Variants in MSH4 observed in about 807,000 individuals in gnomAD.
The protein encoded by MSH4 is mutS protein homolog 4.
In MSH4, 106 loss-of-function variants were observed where a neutral mutation model predicts 113.7. The ratio of observed to expected loss-of-function variants is 0.93; its 90% CI spans 0.80 to 1.10. MSH4 has a LOEUF of 1.10. MSH4 is among the 50% of genes least tolerant of loss of function. The pLI is 0.00. For synonymous variants in MSH4, 368 were observed against 380.2 expected, an observed-to-expected ratio of 0.97 and a Z score of 0.37; for missense variants, 1,061 against 1,093.7, an observed-to-expected ratio of 0.97 and a Z score of 0.42.
In MSH4 at chr1:75,868,777, A is replaced by G. The variant is rs1651645864; in HGVS notation, c.1305+1189A>G. 2.0e-5 allele frequency among the ~76,000 whole-genome samples: 3 copies of G among 152,236 alleles called. No homozygotes were observed. In the South Asian group the frequency reaches 6.2e-4, roughly 31 times the overall value. On this transcript the variant is annotated intron_variant, in intron 9 of 19. Coordinates refer to ENST00000263187, the MANE Select transcript of MSH4 (RefSeq NM_002440.4). ...GCACATGTTCTTCTTGCCTACCGGCATGTAAGATGTAACTTTGCTCCTGAT... is the reference window on the plus strand; with the variant it reads ...GCACATGTTCTTCTTGCCTACCGGCGTGTAAGATGTAACTTTGCTCCTGAT...
intron 15 of MSH4, among the ~76,000 whole-genome samples, chr1:75,885,501 T>C (rs1431056695): frequency 2.2e-5 from 2 of 90,016 alleles, no homozygotes; most frequent in Non-Finnish European, 4.6e-5. Context: ...GGTACATATA[T>C]ATATACATAT....
chr1:75,797,871 G>T lies in MSH4; in HGVS notation c.244+642G>T, dbSNP rs866757612. 1.1e-4 allele frequency among the ~76,000 whole-genome samples: 16 copies of T among 152,290 alleles called. No homozygotes were observed. The Middle Eastern group carries it at 0.01, about 97-fold the overall frequency. On this transcript the variant is annotated intron_variant, in intron 1 of 19. Transcript: ENST00000263187. ...TGAGGTGGGAGGATGGCGAGTCCGG[G>T]AGGTCGAGGCTGCCGTGAGCTGAGA...
chr1:75,867,710 TC>T, intron 9 of MSH4, 122 bp downstream of exon 9: 1 of 644,884 alleles, frequency 1.6e-6, no homozygotes, highest in Non-Finnish European at 2.7e-6. Context: ...ATATTTTTTT[TC>T]TTTGTACATA....
chr1:75,882,331 T>A (rs1410563232), intron 14 of MSH4, among the ~76,000 whole-genome samples: 2 of 152,080 alleles, frequency 1.3e-5, no homozygotes, highest in African/African-American at 4.8e-5. Flanking sequence ...ATTTTTTTTC[T>A]AACCTCACTT....
At position 75,822,544 on chromosome 1, in the gene MSH4, A is replaced by T. The variant is rs72688139; in HGVS notation, c.1125A>T (p.Leu375=). 1 of 1,551,410 alleles carries T rather than the reference A, an allele frequency of 6.4e-7. No homozygotes were observed. Among genetic ancestry groups the T allele is most frequent in the Non-Finnish European group, 8.7e-7 (1 of 1,155,804 alleles). Residue 375 remains leucine, a synonymous_variant, in exon 7 of 20, where the codon CTA becomes CTT. Coordinates refer to ENST00000263187, the MANE Select transcript of MSH4 (RefSeq NM_002440.4). ...TGAGATTAGATTGTGTTCAAGAACT[A>T]CTTCAAGATGAGGAACTATTTTTTG... ...INMRLDCVQE[L]LQDEELFFGL...
At chr1:75,896,346 AACACACACACACACAC>A (rs4035039) in intron 17 of MSH4, among the ~76,000 whole-genome samples, 15,671 of 137,230 alleles carry the variant, frequency 0.11, 1,060 homozygotes, top group East Asian at 0.27. Flanking sequence ...ACACACATAC[AACACACACACACACAC>A]ACACACACAC....
rs979644673 is a variant in MSH4 at position 75,890,597 on chromosome 1, A to G, written c.2227-99A>G. 5 of 584,560 alleles carry G rather than the reference A, an allele frequency of 8.6e-6. No individual in the cohort carries two copies. In the African/African-American group the frequency reaches 9.5e-5, roughly 11 times the overall value. 36.2% of individuals were successfully genotyped at this position (584,560 alleles called of 1,614,324 possible). A position where few individuals can be genotyped will look rare whatever the true frequency, so the allele number is the denominator to read the frequency against. ...CAGGATGTCTCTAAGAATACATTTC[A>G]GATGAACTTATAAAGAGACTGGGTT... On this transcript the variant is annotated intron_variant, in intron 16 of 19. Transcript: ENST00000263187.
chr1:75,830,128 ACTT>A (rs1200476480), intron 7 of MSH4, among the ~76,000 whole-genome samples: 1 of 152,146 alleles, frequency 6.6e-6, no homozygotes, highest in East Asian at 1.9e-4. Context: ...TGGCACGAGA[ACTT>A]CTTGATGCGT....
intron 19 of MSH4, among the ~76,000 whole-genome samples, chr1:75,904,990 G>A (rs1186823148): frequency 6.6e-6 from 1 of 151,292 alleles, no homozygotes; most frequent in African/African-American, 2.4e-5. Flanking sequence ...CTTTTTAGTT[G>A]GTCTAGTAAA....
chr1:75,912,678 T>TA lies in MSH4; in HGVS notation c.2620-18_2620-17insA. On this transcript the variant is annotated splice_polypyrimidine_tract_variant and intron_variant, in intron 19 of 19. Transcript: ENST00000263187. The stretch of plus-strand genomic sequence containing the variant: ...TATTTGTGTATATATATATATATTT[T>TA]TTTTTTTTCAATGACAGCAAAACCA... 1 of 1,247,972 alleles carries TA rather than the reference T, an allele frequency of 8.0e-7. No homozygotes were observed. Among genetic ancestry groups the TA allele is most frequent in the Non-Finnish European group, 1.1e-6 (1 of 951,402 alleles). 77.3% of individuals were successfully genotyped at this position (1,247,972 alleles called of 1,614,324 possible).
chr1:75,879,054 C>T lies in MSH4; in HGVS notation c.1603C>T (p.Arg535Ter), dbSNP rs748663214. The change falls in exon 12 of 20, where the codon CGA (arginine) becomes TGA (stop). Residue 535 changes from arginine (R) to a stop codon, truncating the protein, a stop_gained. Transcript: ENST00000263187. LOFTEE classifies it high-confidence loss of function. ...LPLRTSFSSA[R>*]GFFIQMTTDC... ...TTTAAGGACAAGTTTTAGCTCTGCT[C>T]GAGGATTTTTCATCCAGATGACTAC... 31 of 1,609,972 alleles carry T rather than the reference C, an allele frequency of 1.9e-5. No homozygotes were observed. The highest frequency in any genetic ancestry group is 3.3e-5 in the Admixed American group (2 of 59,894).
intron 19 of MSH4, among the ~76,000 whole-genome samples, chr1:75,912,302 G>A (rs1410928275): frequency 1.3e-5 from 2 of 152,066 alleles, no homozygotes; most frequent in East Asian, 3.9e-4. Flanking sequence ...TTACCACATA[G>A]CAATGAACAA....
chr1:75,887,563 G>A (rs12127049), intron 15 of MSH4, among the ~76,000 whole-genome samples: 30,457 of 151,936 alleles, frequency 0.2, 3,205 homozygotes, highest in Middle Eastern at 0.27. Flanking sequence ...AGTGTTATCT[G>A]GTTAACACTC....
At position 75,883,780 on chromosome 1, in the gene MSH4, A is replaced by G. The variant is rs1443379085; in HGVS notation, c.2066A>G (p.Tyr689Cys). 6.2e-7 allele frequency: 1 copy of G among 1,613,022 alleles called. No individual in the cohort carries two copies. Among genetic ancestry groups the G allele is most frequent in the Non-Finnish European group, 8.5e-7 (1 of 1,179,544 alleles). ...CCAAACATGAGTGGAAAATCCACATATTTAAAACAGATTGCTCTTTGTCAG... is the reference window on the plus strand; with the variant it reads ...CCAAACATGAGTGGAAAATCCACATGTTTAAAACAGATTGCTCTTTGTCAG... Reference protein sequence around the residue: ...TGPNMSGKSTYLKQIALCQIM... With the variant: ...TGPNMSGKSTCLKQIALCQIM... Residue 689 changes from tyrosine (Y) to cysteine (C), a missense_variant, in exon 15 of 20, where the codon TAT becomes TGT. Physicochemically the swap from Tyr to Cys is radical, Grantham distance 194. Coordinates refer to ENST00000263187, the MANE Select transcript of MSH4 (RefSeq NM_002440.4).
At chr1:75,910,383 T>C (rs917239230) in intron 19 of MSH4, among the ~76,000 whole-genome samples, 12 of 152,082 alleles carry the variant, frequency 7.9e-5, no homozygotes, top group Non-Finnish European at 1.5e-5. Flanking sequence ...TTCATTCTCC[T>C]ACCTGTTTGA....
intron 7 of MSH4, among the ~76,000 whole-genome samples, chr1:75,827,946 A>G (rs183571830): frequency 6.6e-6 from 1 of 152,318 alleles, no homozygotes; most frequent in Non-Finnish European, 1.5e-5. Context: ...GTTAAATTTA[A>G]TGGGCACATT....
intron 5 of MSH4, 110 bp downstream of exon 5, chr1:75,815,246 G>A (rs962025074): frequency 1.7e-6 from 1 of 575,010 alleles, no homozygotes; most frequent in South Asian, 3.3e-5. Flanking sequence ...GTTCCACAAG[G>A]GCAGGGACTT....
intron 8 of MSH4, among the ~76,000 whole-genome samples, chr1:75,859,241 G>GT (rs1332040069): frequency 3.0e-4 from 45 of 152,016 alleles, no homozygotes; most frequent in African/African-American, 9.9e-4. Context: ...TTTTTGAAGG[G>GT]TTTTTTGTGT....
At position 75,879,145 on chromosome 1, in the gene MSH4, T is replaced by C. The variant is rs575244502; in HGVS notation, c.1677+17T>C. On this transcript the variant is annotated intron_variant, in intron 12 of 19. Coordinates refer to ENST00000263187, the MANE Select transcript of MSH4 (RefSeq NM_002440.4). ...TTTATTAAGGTTCATTTTAGAGTGG[T>C]TAGGAAATTAGTGTTTCTGATTTTA... 2.1e-5 allele frequency: 34 copies of C among 1,599,284 alleles called. No individual in the cohort carries two copies. The South Asian group carries it at 3.8e-4, about 18-fold the overall frequency.
Sources: gnomAD v4.1 joint callset for allele counts (sites outside exome capture counted in the v4.1 genomes callset) on GRCh38, gnomAD v4.1.1 for gene constraint, MANE v1.5 for transcripts, NCBI Gene and HGNC (gene_info 2026-07-23, HGNC 2026-07-21) for gene names.